Variants in XIRP2 observed in about 807,000 individuals in gnomAD.
XIRP2 encodes xin actin-binding repeat-containing protein 2.
XIRP2 carries 236 observed loss-of-function variants against 277.0 expected under a neutral mutation model. The observed-to-expected ratio is 0.85, with a 90% CI of 0.77 to 0.95. The LOEUF is 0.95. XIRP2 is among the 40% of genes least tolerant of loss of function. The probability of loss-of-function intolerance (pLI) is 0.00; values close to 1 mark genes in which losing one functional copy is unlikely to be tolerated. For synonymous variants in XIRP2, 1,490 were observed against 1,416.5 expected, an observed-to-expected ratio of 1.05 and a Z score of -1.17; for missense variants, 4,640 against 4,157.5, an observed-to-expected ratio of 1.12 and a Z score of -3.19.
At position 166,903,515 on chromosome 2, in the gene XIRP2, C is replaced by T. The variant is rs767276487; in HGVS notation, c.33C>T (p.Leu11=). ...CAATGCAGAAGGGCTCCCTCAACCT[C>T]CTGAGGCAGAAATGGGAATCTTGTG... MFPMQKGSLN[L]LRQKWESCDY... is the part of the protein sequence containing the mutation. The change falls in exon 2 of 11, where the codon CTC becomes CTT. Residue 11 remains leucine, a synonymous_variant. Coordinates refer to ENST00000409195, the MANE Select transcript of XIRP2 (RefSeq NM_152381.6). 3 of 1,613,434 alleles carry T rather than the reference C, an allele frequency of 1.9e-6. No individual in the cohort carries two copies. Among genetic ancestry groups the T allele is most frequent in the Admixed American group, 1.7e-5 (1 of 59,926 alleles).
chr2:167,048,106 G>A (rs1381017830), intron 2 of XIRP2, among the ~76,000 whole-genome samples: 2 of 151,934 alleles, frequency 1.3e-5, no homozygotes, highest in Non-Finnish European at 2.9e-5. Flanking sequence ...TGGAAAGACA[G>A]AATCATTCAG....
chr2:167,026,573 GT>G (rs1259551359), intron 2 of XIRP2, among the ~76,000 whole-genome samples: 1 of 152,190 alleles, frequency 6.6e-6, no homozygotes, highest in Admixed American at 6.5e-5. Context: ...ATTTTGGCAT[GT>G]TTTTGCAGTG....
chr2:167,058,779 G>A lies in XIRP2; in HGVS notation c.409-77130G>A, dbSNP rs562085232. 9.2e-5 allele frequency among the ~76,000 whole-genome samples: 14 copies of A among 152,292 alleles called. No homozygotes were observed. The South Asian group carries it at 2.3e-3, about 25-fold the overall frequency. On this transcript the variant is annotated intron_variant, in intron 2 of 10. Transcript: ENST00000409195. ...TTGACGAAGGCAAGCAGGTGGTCAC[G>A]TCTGGAATCAAGGTGAGAAATACAG...
At chr2:167,130,753 G>A (rs747297096) in intron 2 of XIRP2, among the ~76,000 whole-genome samples, 3 of 150,714 alleles carry the variant, frequency 2.0e-5, no homozygotes, top group Non-Finnish European at 4.4e-5. Context: ...TCCTGTACCT[G>A]GTCTCTCCCT....
rs187390876 is a variant in XIRP2, at chr2:167,007,342, A to G, written c.408+103452A>G. Among the ~76,000 whole-genome samples the G allele has an allele frequency of 8.5e-4, 129 of 151,816 alleles. No homozygotes were observed. The Middle Eastern group carries it at 0.01, about 12-fold the overall frequency. On this transcript the variant is annotated intron_variant, in intron 2 of 10. Coordinates refer to ENST00000409195, the MANE Select transcript of XIRP2 (RefSeq NM_152381.6). ...TAGGGTTCCACAATACATTTTTTAAATCACTAAAAATTATTCTTTGTATAT... is the reference window on the plus strand; with the variant it reads ...TAGGGTTCCACAATACATTTTTTAAGTCACTAAAAATTATTCTTTGTATAT...
chr2:167,006,529 G>T (rs1487853961), intron 2 of XIRP2, among the ~76,000 whole-genome samples: 2 of 151,762 alleles, frequency 1.3e-5, no homozygotes, highest in African/African-American at 4.8e-5. Context: ...TGTGATTTCT[G>T]TTTCTAAGCT....
chr2:167,257,841 T>G lies in XIRP2; in HGVS notation c.*40-16T>G, dbSNP rs751270296. On this transcript the variant is annotated splice_polypyrimidine_tract_variant and intron_variant, in intron 10 of 10. Transcript: ENST00000409195. Reference sequence around the variant, plus strand: ...AGTAAATACGAACTGCTAAGTGTTCTTTTTCTTTTTGGCAGTTTGGGAAAT... The same window carrying G: ...AGTAAATACGAACTGCTAAGTGTTCGTTTTCTTTTTGGCAGTTTGGGAAAT... 2 of 1,576,044 alleles carry G rather than the reference T, an allele frequency of 1.3e-6. No individual in the cohort carries two copies. The highest frequency in any genetic ancestry group is 4.5e-5 in the East Asian group (2 of 44,550).
At chr2:167,007,418 G>A (rs1189830146) in intron 2 of XIRP2, among the ~76,000 whole-genome samples, 1 of 151,474 alleles carries the variant, frequency 6.6e-6, no homozygotes, top group African/African-American at 2.4e-5. Context: ...CATTAATTTA[G>A]GATATCTCAG....
Position 167,248,973 on chromosome 2 carries a change from T to C in XIRP2, c.7581T>C (p.Ser2527=), listed in dbSNP as rs1485874827. The C allele has an allele frequency of 6.2e-7, 1 of 1,613,410 alleles. No homozygotes were observed. The highest frequency in any genetic ancestry group is 8.5e-7 in the Non-Finnish European group (1 of 1,179,760). ...TAAAATCTCATTCATTTCCAGAGAG[T>C]TCAGGACAACAAAATCCAAAACCTT... is the stretch of plus-strand genomic sequence containing the variant. The part of the protein sequence containing the change: ...PLIKSHSFPE[S]SGQQNPKPYM... Residue 2527 remains serine (S), a synonymous_variant, in exon 9 of 11, where the codon AGT becomes AGC. Transcript: ENST00000409195.
intron 2 of XIRP2, among the ~76,000 whole-genome samples, chr2:166,934,213 A>AAC (rs1685430875): frequency 6.6e-6 from 1 of 150,718 alleles, no homozygotes; most frequent in African/African-American, 2.5e-5. Context: ...AAAAAAAAAA[A>AAC]ACAAAACTAG....
rs866096049 is a variant in XIRP2, at chr2:167,254,091, G to A, written c.10615G>A (p.Gly3539Arg). ...YTLSKDSLSN[G>R]VPSGRQAEFS is the part of the protein sequence containing the mutation. ...TTTGTCAAAAGACAGTTTATCCAAT[G>A]GAGTGCCTAGTGGCAGACAAGCAGA... The change falls in exon 10 of 11, where the codon GGA becomes AGA. Residue 3539 changes from glycine to arginine, a missense_variant. Coordinates refer to ENST00000409195, the MANE Select transcript of XIRP2 (RefSeq NM_152381.6). The A allele has an allele frequency of 6.2e-7, 1 of 1,610,812 alleles. No homozygotes were observed.
At chr2:167,214,767 C>G (rs917633031) in intron 4 of XIRP2, among the ~76,000 whole-genome samples, 4 of 151,944 alleles carry the variant, frequency 2.6e-5, no homozygotes, top group Non-Finnish European at 4.4e-5. Flanking sequence ...CGGGGTTTCC[C>G]CATGTTGGCC....
chr2:166,937,299 G>C (rs1427620461), intron 2 of XIRP2, among the ~76,000 whole-genome samples: 1 of 152,044 alleles, frequency 6.6e-6, no homozygotes, highest in African/African-American at 2.4e-5. Context: ...TAGCATGAAG[G>C]GCTACTGAAT....
At chr2:167,094,046 T>C (rs1236455402) in intron 2 of XIRP2, among the ~76,000 whole-genome samples, 1 of 151,676 alleles carries the variant, frequency 6.6e-6, no homozygotes, top group Non-Finnish European at 1.5e-5. Flanking sequence ...GTGATTTTAA[T>C]TTGCATTTCT....
chr2:167,062,729 G>A (rs188929532), intron 2 of XIRP2, among the ~76,000 whole-genome samples: 52 of 152,002 alleles, frequency 3.4e-4, no homozygotes, highest in Non-Finnish European at 6.8e-4. Context: ...TTTCTCTTGG[G>A]TGACTTTTGG....
intron 3 of XIRP2, among the ~76,000 whole-genome samples, chr2:167,199,063 C>T (rs1180968637): frequency 6.6e-6 from 1 of 152,048 alleles, no homozygotes. Context: ...AGAAAAGCTG[C>T]CAGGGTGTCA....
At chr2:167,113,322 G>T (rs1690812801) in intron 2 of XIRP2, among the ~76,000 whole-genome samples, 1 of 152,132 alleles carries the variant, frequency 6.6e-6, no homozygotes. Context: ...TTATGAATCT[G>T]AGTGCTCCTG....
In XIRP2 at chr2:167,247,291, G is replaced by A. The variant is rs377176610; in HGVS notation, c.5899G>A (p.Val1967Ile). The A allele has an allele frequency of 6.2e-7, 1 of 1,613,692 alleles. No individual in the cohort carries two copies. Among genetic ancestry groups the A allele is most frequent in the Non-Finnish European group, 8.5e-7 (1 of 1,179,840 alleles). ...AGAGCAGAAAACAGATATTCATCAGGTTGCTGTCCAGAGGAACAAAAATAG... is the reference window on the plus strand; with the variant it reads ...AGAGCAGAAAACAGATATTCATCAGATTGCTGTCCAGAGGAACAAAAATAG... ...SGEQKTDIHQ[V>I]AVQRNKNSLL... is the part of the protein sequence containing the mutation. The change falls in exon 9 of 11, where the codon GTT (valine) becomes ATT (isoleucine). Residue 1967 changes from valine to isoleucine, a missense_variant. By Grantham distance (29) the Val-to-Ile change is conservative (BLOSUM62 3). Transcript: ENST00000409195.
chr2:167,250,068 T>A lies in XIRP2; in HGVS notation c.8676T>A (p.Ser2892Arg). 1 of 1,613,526 alleles carries A rather than the reference T, an allele frequency of 6.2e-7. No individual in the cohort carries two copies. The highest frequency in any genetic ancestry group is 8.5e-7 in the Non-Finnish European group (1 of 1,179,678). ...EHKKLPQPYNSLQEEKCLEVK... is the reference protein window; with the variant it reads ...EHKKLPQPYNRLQEEKCLEVK... Reference sequence around the variant, plus strand: ...AAAAATTGCCCCAGCCATATAATAGTCTGCAGGAAGAAAAATGTCTCGAAG... The same window carrying A: ...AAAAATTGCCCCAGCCATATAATAGACTGCAGGAAGAAAAATGTCTCGAAG... The change falls in exon 9 of 11, where the codon AGT (serine) becomes AGA (arginine). Residue 2892 changes from serine to arginine, a missense_variant. Ser to Arg is a moderately radical substitution (Grantham distance 110). Transcript: ENST00000409195.
Sources: gnomAD v4.1 joint callset for allele counts (sites outside exome capture counted in the v4.1 genomes callset) on GRCh38, gnomAD v4.1.1 for gene constraint, MANE v1.5 for transcripts, NCBI Gene and HGNC (gene_info 2026-07-23, HGNC 2026-07-21) for gene names.